FHOD3: variants seen among roughly 807,000 people sequenced by gnomAD.
FHOD3 encodes the protein formin homology 2 domain containing 3.
FHOD3 carries 90 observed loss-of-function variants against 173.0 expected under a neutral mutation model. That is an observed-to-expected ratio of 0.52 (90% confidence interval 0.44 to 0.62). FHOD3 has a LOEUF of 0.62. Ranked by LOEUF, FHOD3 falls within the 20% of genes least tolerant of loss-of-function variation. The pLI is 0.00. For synonymous variants in FHOD3, 828 were observed against 823.0 expected (o/e 1.01, Z -0.10); for missense variants, 1,945 against 2,034.7 (o/e 0.96, Z 0.85).
intron 3 of FHOD3, among the ~76,000 whole-genome samples, chr18:36,489,634 C>T (rs939911756): frequency 3.9e-5 from 6 of 152,042 alleles, no homozygotes; most frequent in African/African-American, 1.4e-4. Context: ...TTCATACTCC[C>T]ACACTCCAGC....
At chr18:36,451,495 C>CCA (rs2051840588) in intron 3 of FHOD3, among the ~76,000 whole-genome samples, 1 of 152,240 alleles carries the variant, frequency 6.6e-6, no homozygotes, top group African/African-American at 2.4e-5. Flanking sequence ...TCAAAGCTGC[C>CCA]AGAGGGCAAC....
chr18:36,744,884 G>A (rs745653514), intron 23 of FHOD3, among the ~76,000 whole-genome samples: 1 of 152,204 alleles, frequency 6.6e-6, no homozygotes. Flanking sequence ...GAGATGTGAA[G>A]GTCTTAGGAG....
intron 6 of FHOD3, among the ~76,000 whole-genome samples, chr18:36,591,991 G>A (rs2059234070): frequency 6.6e-6 from 1 of 152,214 alleles, no homozygotes; most frequent in African/African-American, 2.4e-5. Flanking sequence ...GGCCGAGGCA[G>A]GCAGATCACC....
At chr18:36,771,218 AT>A (rs1295718322) in intron 28 of FHOD3, among the ~76,000 whole-genome samples, 3 of 152,164 alleles carry the variant, frequency 2.0e-5, no homozygotes, top group Non-Finnish European at 4.4e-5. Context: ...TCAAATCTGC[AT>A]TTAATGAGAT....
At chr18:36,763,080 G>A (rs1036098168) in intron 27 of FHOD3, among the ~76,000 whole-genome samples, 3 of 145,708 alleles carry the variant, frequency 2.1e-5, no homozygotes, top group East Asian at 2.0e-4. Context: ...TATTATACAC[G>A]TTATATATAA....
chr18:36,333,332 A>G (rs1598742714), intron 1 of FHOD3, among the ~76,000 whole-genome samples: 1 of 152,140 alleles, frequency 6.6e-6, no homozygotes, highest in Non-Finnish European at 1.5e-5. Flanking sequence ...GGAACACTTG[A>G]CCTGCCGACA....
At chr18:36,652,971 G>C (rs2149119392) in intron 12 of FHOD3, 42 bp downstream of exon 12, 1 of 1,499,890 alleles carries the variant, frequency 6.7e-7, no homozygotes, top group East Asian at 2.5e-5. Flanking sequence ...ATTAACTCGG[G>C]GAGGAGAACA....
chr18:36,415,005 G>C (rs373210059), intron 3 of FHOD3, among the ~76,000 whole-genome samples: 20 of 152,308 alleles, frequency 1.3e-4, no homozygotes, highest in African/African-American at 4.6e-4. Context: ...CTAGCAGGAG[G>C]GGGCAGTGAG....
intron 1 of FHOD3, among the ~76,000 whole-genome samples, chr18:36,317,043 G>T (rs912603903): frequency 2.0e-5 from 3 of 152,158 alleles, no homozygotes; most frequent in African/African-American, 7.2e-5. Context: ...TCCCTGCAAA[G>T]GACATGAACT....
At chr18:36,660,941 C>T (rs750185966) in intron 14 of FHOD3, among the ~76,000 whole-genome samples, 2 of 152,188 alleles carry the variant, frequency 1.3e-5, no homozygotes, top group African/African-American at 2.4e-5. Context: ...CGAGCGAGTA[C>T]GGTAGCTTCT....
intron 14 of FHOD3, 21 bp downstream of exon 14, chr18:36,658,209 G>T (rs753942117): frequency 6.6e-7 from 1 of 1,520,578 alleles, no homozygotes; most frequent in Admixed American, 1.9e-5. Context: ...CAAGCACGCT[G>T]ATAGCTTCAC....
chr18:36,515,805 G>A (rs898545995), intron 5 of FHOD3, among the ~76,000 whole-genome samples: 2 of 152,188 alleles, frequency 1.3e-5, no homozygotes, highest in Admixed American at 6.5e-5. Context: ...GCGACCAGAA[G>A]GCTCCCCATG....
chr18:36,678,752 A>T (rs1262726661), intron 14 of FHOD3, among the ~76,000 whole-genome samples: 1 of 152,098 alleles, frequency 6.6e-6, no homozygotes, highest in African/African-American at 2.4e-5. Flanking sequence ...ATAAACTATT[A>T]ACGTGGTAAA....
Position 36,681,416 on chromosome 18 carries a change from T to C in FHOD3, c.1836-20T>C. The C allele has an allele frequency of 6.2e-7, 1 of 1,613,182 alleles. No individual in the cohort carries two copies. Among genetic ancestry groups the C allele is most frequent in the Non-Finnish European group, 8.5e-7 (1 of 1,179,510 alleles). On this transcript the variant is annotated intron_variant, in intron 14 of 28. Coordinates refer to ENST00000590592, the MANE Select transcript of FHOD3 (RefSeq NM_001281740.3). ...AATCACAGGCCAAGCAACTGAAACA[T>C]TAACTCATTGTATCTCCAGGTCATC...
intron 5 of FHOD3, among the ~76,000 whole-genome samples, chr18:36,549,571 T>C (rs888905240): frequency 7.0e-5 from 9 of 128,400 alleles, no homozygotes; most frequent in Non-Finnish European, 1.3e-4. Flanking sequence ...GGAGTCTCGC[T>C]CTGTTACCCA....
chr18:36,478,803 C>T (rs940489465), intron 3 of FHOD3, among the ~76,000 whole-genome samples: 4 of 152,190 alleles, frequency 2.6e-5, no homozygotes, highest in Non-Finnish European at 4.4e-5. Context: ...ATCTTCCACA[C>T]TTAACTCTTG....
At chr18:36,749,177 ATTTGT>A (rs1008415874) in intron 24 of FHOD3, among the ~76,000 whole-genome samples, 1 of 152,162 alleles carries the variant, frequency 6.6e-6, no homozygotes, top group Non-Finnish European at 1.5e-5. Context: ...TCAAACCTGC[ATTTGT>A]TTTAACTTTT....
At chr18:36,735,029 G>A (rs2041561230) in intron 20 of FHOD3, among the ~76,000 whole-genome samples, 1 of 152,164 alleles carries the variant, frequency 6.6e-6, no homozygotes, top group South Asian at 2.1e-4. Context: ...TAGCATTAAT[G>A]ATATTTCCCC....
chr18:36,371,235 G>A (rs932257655), intron 2 of FHOD3, among the ~76,000 whole-genome samples: 6 of 152,126 alleles, frequency 3.9e-5, no homozygotes, highest in African/African-American at 1.4e-4. Flanking sequence ...TATGCAGCTG[G>A]GTTTCCTATT....
Sources: allele counts gnomAD v4.1 joint callset (sites outside exome capture counted in the v4.1 genomes callset), GRCh38; gene constraint gnomAD v4.1.1; transcripts MANE v1.5; gene names NCBI Gene and HGNC (gene_info 2026-07-23, HGNC 2026-07-21).